The following PLAC1 variants were observed in gnomAD, a reference collection of about 807,000 sequenced individuals.
PLAC1 encodes the protein placenta associated 1.
For synonymous variants in PLAC1, 68 were observed against 62.1 expected (o/e 1.09, Z -0.44); for missense variants, 136 against 163.2 (o/e 0.83, Z 0.91).
At chrX:134,601,927 T>TA (rs1372478682) in intron 2 of PLAC1, 124 bp downstream of exon 2, 5 of 112,363 alleles carry the variant, frequency 4.4e-5, no homozygotes, top group Admixed American at 9.5e-5. Flanking sequence ...TCCACATCTT[T>TA]AAAAAAATCA....
At chrX:134,642,471 G>A (rs943477229) in intron 1 of PLAC1, among the ~76,000 whole-genome samples, 1 of 110,749 alleles carries the variant, frequency 9.0e-6, no homozygotes, top group Admixed American at 9.7e-5. Context: ...AACCAGACAC[G>A]GTCCCTGCCC....
chrX:134,669,438 A>C (rs930270041), intron 2 of PLAC1, among the ~76,000 whole-genome samples: 9 of 112,603 alleles, frequency 8.0e-5, no homozygotes, highest in South Asian at 3.7e-4. Context: ...AAGGTAGAAC[A>C]GTGACTTGCG....
chrX:134,590,050 C>G (rs1460949594), intron 2 of PLAC1, among the ~76,000 whole-genome samples: 5 of 109,355 alleles, frequency 4.6e-5, no homozygotes, highest in South Asian at 4.0e-4. Flanking sequence ...AAAAAATTAG[C>G]CGGGCGTGGT....
chrX:134,750,925 TTTTATATATATATATTTATAAATA>T (rs2078742891), intron 1 of PLAC1, among the ~76,000 whole-genome samples: 2 of 19,531 alleles, frequency 1.0e-4, no homozygotes, highest in African/African-American at 5.3e-4. Context: ...ATATATATAT[TTTTATATATATATATTTATAAATA>T]TATATATATA....
intron 2 of PLAC1, among the ~76,000 whole-genome samples, chrX:134,578,515 C>CTTTCT (rs1556042103): frequency 5.4e-5 from 3 of 55,976 alleles, no homozygotes; most frequent in Non-Finnish European, 9.0e-5. Flanking sequence ...TTCTTTCTTT[C>CTTTCT]TTTTTTTTTT....
chrX:134,614,343 G>A (rs1430177979), intron 1 of PLAC1, among the ~76,000 whole-genome samples: 1 of 111,210 alleles, frequency 9.0e-6, no homozygotes, highest in East Asian at 2.8e-4. Flanking sequence ...CTTCACATAA[G>A]TACTTTTTTG....
intron 1 of PLAC1, among the ~76,000 whole-genome samples, chrX:134,756,662 A>G (rs1319230165): frequency 9.1e-6 from 1 of 110,265 alleles, no homozygotes; most frequent in African/African-American, 3.3e-5. Context: ...ATCCTGGCTA[A>G]CACAGTGAAA....
At chrX:134,616,932 C>A (rs1215663101) in intron 1 of PLAC1, among the ~76,000 whole-genome samples, 4 of 107,086 alleles carry the variant, frequency 3.7e-5, no homozygotes, top group African/African-American at 1.4e-4. Context: ...GCCGCCATCA[C>A]GTCATCTACA....
chrX:134,578,521 T>C (rs1230702312), intron 2 of PLAC1, among the ~76,000 whole-genome samples: 26 of 90,353 alleles, frequency 2.9e-4, no homozygotes, highest in African/African-American at 1.1e-3. Flanking sequence ...CTTTCTTTTT[T>C]TTTTTTTTTT....
At position 134,566,638 on chromosome X, in the gene PLAC1, A is replaced by G. The variant is rs771561259; in HGVS notation, c.45T>C (p.Ser15=). ...TTTGTCCTGAACCGGCTGAAAACGC[A>G]GAGGTGAGGAGGATCATCAGTCCTA... The part of the protein sequence containing the change: ...KFIGLMILLT[S]AFSAGSGQSP... The change falls in exon 3 of 3, where the codon TCT becomes TCC. Residue 15 remains serine (S), a synonymous_variant. Coordinates refer to ENST00000359237, the MANE Select transcript of PLAC1 (RefSeq NM_021796.4). 1 of 1,203,392 alleles carries G rather than the reference A, an allele frequency of 8.3e-7. No homozygotes were observed. The highest frequency in any genetic ancestry group is 1.1e-6 in the Non-Finnish European group (1 of 889,970).
At chrX:134,661,334 C>T (rs1038237620), upstream of PLAC1, among the ~76,000 whole-genome samples, 5 of 111,748 alleles carry the variant, frequency 4.5e-5, no homozygotes, top group African/African-American at 1.6e-4. Flanking sequence ...TCTGCTGTGT[C>T]CCTGGGGCTC....
intron 2 of PLAC1, among the ~76,000 whole-genome samples, chrX:134,711,219 C>T: frequency 9.0e-6 from 1 of 111,652 alleles, no homozygotes. Flanking sequence ...TTGGACAGCT[C>T]GGAGAAAGGG....
intron 1 of PLAC1, among the ~76,000 whole-genome samples, chrX:134,615,081 G>C (rs1304327841): frequency 2.7e-5 from 3 of 111,671 alleles, no homozygotes; most frequent in Non-Finnish European, 5.6e-5. Flanking sequence ...ATTTCCTTTG[G>C]GTATATATCC....
chrX:134,736,482 C>T (rs776799948), intron 1 of PLAC1, among the ~76,000 whole-genome samples: 3 of 109,982 alleles, frequency 2.7e-5, no homozygotes, highest in Non-Finnish European at 5.7e-5. Flanking sequence ...GCCCCCACCG[C>T]CCCGACTCCT....
intron 2 of PLAC1, among the ~76,000 whole-genome samples, chrX:134,707,799 T>C (rs1194172559): frequency 1.8e-5 from 2 of 112,262 alleles, no homozygotes; most frequent in Non-Finnish European, 3.8e-5. Context: ...TAAAACATTG[T>C]TTGATAGTTT....
chrX:134,570,047 C>G (rs1461111783), intron 2 of PLAC1, among the ~76,000 whole-genome samples: 1 of 111,284 alleles, frequency 9.0e-6, no homozygotes, highest in Middle Eastern at 4.2e-3. Context: ...CCAGGCTGCT[C>G]TCGAACTCCT....
At chrX:134,579,285 G>A in intron 2 of PLAC1, among the ~76,000 whole-genome samples, 1 of 111,165 alleles carries the variant, frequency 9.0e-6, no homozygotes, top group Non-Finnish European at 1.9e-5. Flanking sequence ...GAGAGCCTTG[G>A]CCAAGATCAA....
chrX:134,596,851 C>T (rs1380064566), intron 2 of PLAC1, among the ~76,000 whole-genome samples: 1 of 110,557 alleles, frequency 9.0e-6, no homozygotes, highest in East Asian at 2.9e-4. Flanking sequence ...CCCGCCTTGG[C>T]CCCCAAAACT....
At chrX:134,739,869 T>C (rs777930763) in intron 1 of PLAC1, among the ~76,000 whole-genome samples, 1 of 112,558 alleles carries the variant, frequency 8.9e-6, no homozygotes, top group African/African-American at 3.2e-5. Context: ...ACACATATCC[T>C]AGGACCTAAA....
Sources: gnomAD v4.1 joint callset for allele counts (sites outside exome capture counted in the v4.1 genomes callset) on GRCh38, gnomAD v4.1.1 for gene constraint, MANE v1.5 for transcripts, NCBI Gene and HGNC (gene_info 2026-07-23, HGNC 2026-07-21) for gene names.